The following SYCE1L variants were observed in gnomAD, a reference collection of about 807,000 sequenced individuals.
SYCE1L encodes synaptonemal complex central element protein 1-like.
SYCE1L carries 51 observed loss-of-function variants against 39.6 expected under a neutral mutation model. That is an observed-to-expected ratio of 1.29 (90% CI 1.03 to 1.63). The LOEUF (loss-of-function observed/expected upper bound fraction) is 1.63. Among genes scored for constraint, SYCE1L ranks in the 40% most tolerant of loss-of-function variants. SYCE1L has a pLI of 0.00. For synonymous variants in SYCE1L, 147 were observed against 122.4 expected (o/e 1.20, Z -1.33); for missense variants, 426 against 304.9 (o/e 1.40, Z -2.96).
chr16:77,204,840 T>C (rs779211752), intron 1 of SYCE1L, among the ~76,000 whole-genome samples: 16 of 151,342 alleles, frequency 1.1e-4, no homozygotes, highest in Non-Finnish European at 1.6e-4. Flanking sequence ...AGCTCAGGAG[T>C]TCGAGACCAG....
Position 77,212,654 on chromosome 16 carries a change from G to C in SYCE1L, c.654+8G>C. On this transcript the variant is annotated splice_region_variant and intron_variant, in intron 10 of 10. Coordinates refer to ENST00000378644, the MANE Select transcript of SYCE1L (RefSeq NM_001129979.3). Reference sequence around the variant, plus strand: ...GGGGCCGGCGAGGGAGAGGTAGGGAGCCCGAGGAAGGGAGGCGGGGCGGGC... The same window carrying C: ...GGGGCCGGCGAGGGAGAGGTAGGGACCCCGAGGAAGGGAGGCGGGGCGGGC... 1 of 1,532,214 alleles carries C rather than the reference G, an allele frequency of 6.5e-7. No homozygotes were observed. The highest frequency in any genetic ancestry group is 8.7e-7 in the Non-Finnish European group (1 of 1,145,114). The allele number at this position is 1,532,214 out of a possible 1,614,324, so 94.9% of individuals were successfully genotyped here. A position where few individuals can be genotyped will look rare whatever the true frequency, so the allele number is the denominator to read the frequency against.
At position 77,212,280 on chromosome 16, in the gene SYCE1L, A is replaced by AGG; in HGVS notation, c.494_495dup. 1.3e-6 allele frequency: 2 copies of AGG among 1,519,124 alleles called. No individual in the cohort carries two copies. The highest frequency in any genetic ancestry group is 1.8e-6 in the Non-Finnish European group (2 of 1,134,226). The allele number at this position is 1,519,124 out of a possible 1,614,324, so 94.1% of individuals were successfully genotyped here. On this transcript the variant is annotated splice_acceptor_variant, in intron 8 of 10. Coordinates refer to ENST00000378644, the MANE Select transcript of SYCE1L (RefSeq NM_001129979.3). LOFTEE classifies it high-confidence loss of function. ...CTGCCCCTGACGCCCGCCCACCGACAGGGAGGCTGGTGCGCGCCAAGCTGC... is the reference window on the plus strand; with the variant it reads ...CTGCCCCTGACGCCCGCCCACCGACAGGGGGAGGCTGGTGCGCGCCAAGCTGC...
Position 77,212,371 on chromosome 16 carries a change from TGAGAGGGGA to T in SYCE1L, c.581+3_581+11del. On this transcript the variant is annotated splice_donor_5th_base_variant and intron_variant, in intron 9 of 10. Coordinates refer to ENST00000378644, the MANE Select transcript of SYCE1L (RefSeq NM_001129979.3). Reference sequence around the variant, plus strand: ...GGGCGCCATGGCGGTGAATGACGGGTGAGAGGGGAAGGGAGGAGTGGGCGAGGAGGGCAG... The same window carrying T: ...GGGCGCCATGGCGGTGAATGACGGGTAGGGAGGAGTGGGCGAGGAGGGCAG... 1 of 1,526,092 alleles carries T rather than the reference TGAGAGGGGA, an allele frequency of 6.6e-7. No homozygotes were observed. The allele number at this position is 1,526,092 out of a possible 1,614,324, so 94.5% of individuals were successfully genotyped here.
chr16:77,212,360 T>A lies in SYCE1L; in HGVS notation c.572T>A (p.Val191Glu). The change falls in exon 9 of 11, where the codon GTG (valine) becomes GAG (glutamate). Residue 191 changes from valine (V) to glutamate (E), a missense_variant. Physicochemically the swap from Val to Glu is moderately radical, Grantham distance 121 (BLOSUM62 -2). Transcript: ENST00000378644. Reference sequence around the variant, plus strand: ...CCTGAGGTCGAGGGCGCCATGGCGGTGAATGACGGGTGAGAGGGGAAGGGA... The same window carrying A: ...CCTGAGGTCGAGGGCGCCATGGCGGAGAATGACGGGTGAGAGGGGAAGGGA... The part of the protein sequence containing the change: ...SPPEVEGAMA[V>E]NDGLKAELEI... 6.6e-7 allele frequency: 1 copy of A among 1,526,186 alleles called. No individual in the cohort carries two copies. Among genetic ancestry groups the A allele is most frequent in the Non-Finnish European group, 8.8e-7 (1 of 1,138,142 alleles). 94.5% of individuals were successfully genotyped at this position (1,526,186 alleles called of 1,614,324 possible).
intron 1 of SYCE1L, 172 bp downstream of exon 1, chr16:77,199,684 A>G: frequency 1.7e-6 from 1 of 579,714 alleles, no homozygotes; most frequent in South Asian, 2.5e-5. Flanking sequence ...CAGTGGAGAT[A>G]AATTAACAGG....
At chr16:77,212,514 C>T (rs1457194406) in intron 9 of SYCE1L, 60 bp from the exon 10 acceptor site, 11 of 1,538,158 alleles carry the variant, frequency 7.2e-6, no homozygotes, top group Admixed American at 5.9e-5. Context: ...TCGGTGGCTT[C>T]CTCCTCGTCC....
intron 1 of SYCE1L, 32 bp downstream of exon 1, chr16:77,199,544 T>C (rs1416916040): frequency 6.6e-7 from 1 of 1,511,494 alleles, no homozygotes; most frequent in South Asian, 1.2e-5. Flanking sequence ...CACTCCTTTC[T>C]CTCCAACCAG....
intron 3 of SYCE1L, 86 bp from the exon 4 acceptor site, chr16:77,208,379 A>G: frequency 6.5e-7 from 1 of 1,543,860 alleles, no homozygotes; most frequent in Admixed American, 2.0e-5. Flanking sequence ...GGTTGTTTGA[A>G]GATGACTGTG....
At chr16:77,212,505 C>T (rs1326681197) in intron 9 of SYCE1L, 69 bp from the exon 10 acceptor site, 3 of 1,538,296 alleles carry the variant, frequency 2.0e-6, no homozygotes, top group African/African-American at 1.4e-5. Flanking sequence ...CTCCGCGTCT[C>T]GGTGGCTTCC....
chr16:77,211,122 TG>T, intron 6 of SYCE1L, 90 bp from the exon 7 acceptor site: 2 of 1,388,526 alleles, frequency 1.4e-6, no homozygotes, highest in African/African-American at 1.4e-5. Flanking sequence ...AGAGGGAGCA[TG>T]GGCAGGATCT....
intron 9 of SYCE1L, 39 bp from the exon 10 acceptor site, chr16:77,212,535 C>G (rs2054832033): frequency 6.5e-6 from 10 of 1,537,450 alleles, no homozygotes; most frequent in African/African-American, 1.4e-5. Flanking sequence ...CCTGGACTCT[C>G]GCTCTCTTCC....
chr16:77,207,850 T>TC (rs1489706139), intron 2 of SYCE1L, among the ~76,000 whole-genome samples: 1 of 151,874 alleles, frequency 6.6e-6, no homozygotes, highest in Admixed American at 6.6e-5. Flanking sequence ...CTGGAATGGG[T>TC]CCCCCCTCCA....
rs2054766174 is a variant in SYCE1L, at chr16:77,203,935, C to G, written c.62-2506C>G. On this transcript the variant is annotated intron_variant, in intron 1 of 10. Transcript: ENST00000378644. ...AAAATTATAAGCAGTGAAACAACAT[C>G]TCGCCCACCATTATTAATTATGTCC... Among the ~76,000 whole-genome samples the G allele has an allele frequency of 2.6e-5, 4 of 152,158 alleles. No homozygotes were observed. In the South Asian group the frequency reaches 6.2e-4, roughly 24 times the overall value.
rs1236324771 is a variant in SYCE1L, at chr16:77,206,487, A to G, written c.108A>G (p.Ile36Met). ...LKTEDLLAMVIKLQKEGSLEP... is the reference protein window; with the variant it reads ...LKTEDLLAMVMKLQKEGSLEP... ...CTGAAGACTTGCTGGCAATGGTGAT[A>G]AAGCTGCAGAAAGGTCATGTGTCTC... Residue 36 changes from isoleucine (I) to methionine (M), a missense_variant, in exon 2 of 11, where the codon ATA becomes ATG. Ile to Met is a conservative substitution (Grantham distance 10). Coordinates refer to ENST00000378644, the MANE Select transcript of SYCE1L (RefSeq NM_001129979.3). 4 of 1,551,776 alleles carry G rather than the reference A, an allele frequency of 2.6e-6. No homozygotes were observed. Among genetic ancestry groups the G allele is most frequent in the Admixed American group, 2.0e-5 (1 of 50,992 alleles).
chr16:77,212,229 GA>G, intron 8 of SYCE1L, 30 bp downstream of exon 8: 1 of 1,543,354 alleles, frequency 6.5e-7, no homozygotes, highest in Non-Finnish European at 8.7e-7. Flanking sequence ...TGGGCGGGGG[GA>G]GGGGGATGTG....
intron 6 of SYCE1L, 68 bp from the exon 7 acceptor site, chr16:77,211,145 C>T (rs983506416): frequency 4.0e-6 from 6 of 1,512,296 alleles, no homozygotes; most frequent in Non-Finnish European, 5.4e-6. Context: ...AAGGCCTGTG[C>T]ATGAGGAGCC....
chr16:77,212,041 A>T, intron 7 of SYCE1L, 89 bp from the exon 8 acceptor site: 1 of 1,386,706 alleles, frequency 7.2e-7, no homozygotes, highest in Non-Finnish European at 9.7e-7. Context: ...AATGTAGGTG[A>T]AGACTTCGCG....
At chr16:77,210,413 A>T (rs1597038223) in intron 6 of SYCE1L, among the ~76,000 whole-genome samples, 1 of 152,160 alleles carries the variant, frequency 6.6e-6, no homozygotes, top group African/African-American at 2.4e-5. Context: ...TTTTAATTGC[A>T]TGGGGAAACC....
At chr16:77,211,354 C>T (rs1014992944) in intron 7 of SYCE1L, 78 bp downstream of exon 7, 5 of 1,503,124 alleles carry the variant, frequency 3.3e-6, no homozygotes, top group African/African-American at 2.8e-5. Flanking sequence ...CAGAGTCCAC[C>T]CCTGCCCAGG....
Sources: allele counts gnomAD v4.1 joint callset (sites outside exome capture counted in the v4.1 genomes callset), GRCh38; gene constraint gnomAD v4.1.1; transcripts MANE v1.5; gene names NCBI Gene and HGNC (gene_info 2026-07-23, HGNC 2026-07-21).